JPH3: variants seen among roughly 807,000 people sequenced by gnomAD.
JPH3 encodes the protein junctophilin 3.
Under a neutral mutation model 59.6 loss-of-function variants are expected in JPH3, and 11 were observed. That is an observed-to-expected ratio of 0.18 (90% CI 0.12 to 0.31). JPH3 has a LOEUF of 0.31. Ranked by LOEUF, JPH3 falls within the 10% of genes least tolerant of loss-of-function variation. The pLI is 1.00. For missense variants in JPH3, 1,202 were observed against 1,105.7 expected (o/e 1.09, Z -1.24); for synonymous variants, 673 against 483.6 (o/e 1.39, Z -5.14).
intron 2 of JPH3, among the ~76,000 whole-genome samples, chr16:87,676,449 T>A (rs756056545): frequency 3.3e-5 from 5 of 152,164 alleles, no homozygotes; most frequent in Admixed American, 6.5e-5. Flanking sequence ...ATAGGTGATA[T>A]TTTAGCCGGG....
At chr16:87,692,914 C>G (rs1346181965) in intron 4 of JPH3, among the ~76,000 whole-genome samples, 3 of 152,220 alleles carry the variant, frequency 2.0e-5, no homozygotes, top group African/African-American at 7.2e-5. Context: ...CCCACTCTGT[C>G]CTGCTACCCC....
intron 1 of JPH3, among the ~76,000 whole-genome samples, chr16:87,626,366 G>A (rs2031375690): frequency 6.6e-6 from 1 of 152,166 alleles, no homozygotes; most frequent in Non-Finnish European, 1.5e-5. Context: ...ACTCCCACCC[G>A]CCTGCCTCTC....
rs147474663 is a variant in JPH3 at position 87,629,623 on chromosome 16, G to T, written c.383-14635G>T. Among the ~76,000 whole-genome samples, 284 of 151,798 alleles carry T rather than the reference G, an allele frequency of 1.9e-3. 1 individual carries two copies. The highest frequency in any genetic ancestry group is 2.9e-3 in the Non-Finnish European group (194 of 67,930). Reference sequence around the variant, plus strand: ...CATCCCGTGGGGTTCCAACTAGATGGCGTTCTGGAAGAGGTGGAACTCTGG... The same window carrying T: ...CATCCCGTGGGGTTCCAACTAGATGTCGTTCTGGAAGAGGTGGAACTCTGG... On this transcript the variant is annotated intron_variant, in intron 1 of 4. Transcript: ENST00000284262.
At chr16:87,624,448 G>A (rs554974477) in intron 1 of JPH3, among the ~76,000 whole-genome samples, 8 of 152,310 alleles carry the variant, frequency 5.3e-5, no homozygotes, top group South Asian at 2.1e-4. Context: ...GTTGCCCAGC[G>A]TTGTTTTCAG....
chr16:87,652,846 T>A (rs551574021), intron 2 of JPH3, among the ~76,000 whole-genome samples: 2 of 152,320 alleles, frequency 1.3e-5, no homozygotes, highest in East Asian at 1.9e-4. Flanking sequence ...GGCATGTAGA[T>A]CAGAGGTGAC....
chr16:87,665,337 T>C (rs1343996015), intron 2 of JPH3, among the ~76,000 whole-genome samples: 1 of 152,054 alleles, frequency 6.6e-6, no homozygotes, highest in Non-Finnish European at 1.5e-5. Flanking sequence ...TTGTGCAGGG[T>C]CTTGGGGTAG....
intron 1 of JPH3, among the ~76,000 whole-genome samples, chr16:87,608,697 T>C (rs2030621070): frequency 1.3e-5 from 2 of 152,184 alleles, no homozygotes. Context: ...TCCTTGCCAG[T>C]GACCGCCTGG....
intron 1 of JPH3, among the ~76,000 whole-genome samples, chr16:87,640,896 G>T (rs2031927496): frequency 6.6e-6 from 1 of 152,222 alleles, no homozygotes; most frequent in Non-Finnish European, 1.5e-5. Flanking sequence ...GTCCAGCTTG[G>T]ACTGGCCATG....
At chr16:87,657,084 T>G (rs1482984822) in intron 2 of JPH3, among the ~76,000 whole-genome samples, 1 of 152,098 alleles carries the variant, frequency 6.6e-6, no homozygotes. Flanking sequence ...AGGCTTCACA[T>G]AGGAACCTGA....
intron 2 of JPH3, among the ~76,000 whole-genome samples, chr16:87,664,872 G>T (rs779231750): frequency 3.3e-5 from 5 of 152,184 alleles, no homozygotes; most frequent in Non-Finnish European, 7.4e-5. Context: ...AGAGGCCCAA[G>T]GAAGCGTCAT....
rs201508904 is a variant in JPH3 at position 87,644,494 on chromosome 16, C to G, written c.619C>G (p.Leu207Val). The G allele has an allele frequency of 6.2e-7, 1 of 1,612,970 alleles. No individual in the cohort carries two copies. The highest frequency in any genetic ancestry group is 8.5e-7 in the Non-Finnish European group (1 of 1,179,874). ...CGTGGCCCACAGTGACTCCGAGATC[C>G]TCAAGAGCAAGAAGAAGGGGCTGTT... The part of the protein sequence containing the change: ...VLVAHSDSEI[L>V]KSKKKGLFRR... Residue 207 changes from leucine to valine, a missense_variant, in exon 2 of 5, where the codon CTC becomes GTC. Transcript: ENST00000284262.
intron 1 of JPH3, among the ~76,000 whole-genome samples, chr16:87,638,937 G>A (rs979560010): frequency 2.0e-5 from 3 of 152,114 alleles, no homozygotes; most frequent in Non-Finnish European, 4.4e-5. Context: ...CTTTGCAGTG[G>A]GCCCAGGACG....
chr16:87,684,114 C>A (rs199528594), intron 2 of JPH3, 28 bp from the exon 3 acceptor site: 4 of 1,593,644 alleles, frequency 2.5e-6, no homozygotes, highest in South Asian at 2.2e-5. Context: ...CCCCTGCCCC[C>A]CCTCACGCTC....
At chr16:87,633,567 C>T (rs969687589) in intron 1 of JPH3, among the ~76,000 whole-genome samples, 2 of 151,764 alleles carry the variant, frequency 1.3e-5, no homozygotes, top group African/African-American at 2.4e-5. Flanking sequence ...TTTGGGAGGC[C>T]GAGGCAGGCG....
intron 2 of JPH3, among the ~76,000 whole-genome samples, chr16:87,656,077 C>T (rs180818411): frequency 5.0e-4 from 76 of 152,324 alleles, no homozygotes; most frequent in African/African-American, 1.6e-3. Flanking sequence ...GTTAACCGAT[C>T]GGGGTGCATG....
At chr16:87,642,457 C>T (rs532246473) in intron 1 of JPH3, among the ~76,000 whole-genome samples, 26 of 152,312 alleles carry the variant, frequency 1.7e-4, no homozygotes, top group African/African-American at 6.3e-4. Context: ...TATGTCAAAT[C>T]TCTTGGTTTT....
intron 1 of JPH3, among the ~76,000 whole-genome samples, chr16:87,625,681 G>C (rs1409033998): frequency 6.6e-6 from 1 of 152,180 alleles, no homozygotes; most frequent in Non-Finnish European, 1.5e-5. Flanking sequence ...AAGCTGTAAT[G>C]AATGTTGTGC....
chr16:87,691,168 C>T lies in JPH3; in HGVS notation c.2166+642C>T, dbSNP rs2033563538. ...CCCCTGGGCTAGACTCGGCGCGAGG[C>T]TGGGGGTCCCAGGCTAGACTCGGTG... On this transcript the variant is annotated intron_variant, in intron 4 of 4. Transcript: ENST00000284262. 2.6e-5 allele frequency among the ~76,000 whole-genome samples: 4 copies of T among 151,518 alleles called. No homozygotes were observed. In the South Asian group the frequency reaches 6.4e-4, roughly 24 times the overall value.
intron 1 of JPH3, among the ~76,000 whole-genome samples, chr16:87,643,680 C>G (rs1189961679): frequency 6.6e-6 from 1 of 152,190 alleles, no homozygotes; most frequent in African/African-American, 2.4e-5. Context: ...TCACTCTGCA[C>G]CACAGACTCT....
Sources: gnomAD v4.1 joint callset for allele counts (sites outside exome capture counted in the v4.1 genomes callset) on GRCh38, gnomAD v4.1.1 for gene constraint, MANE v1.5 for transcripts, NCBI Gene and HGNC (gene_info 2026-07-23, HGNC 2026-07-21) for gene names.